The following TMTC1 variants were observed in gnomAD, a reference collection of about 807,000 sequenced individuals.
TMTC1 encodes the protein protein O-mannosyl-transferase TMTC1.
Under a neutral mutation model 104.8 loss-of-function variants are expected in TMTC1, and 73 were observed. That is an observed-to-expected ratio of 0.70 (90% CI 0.58 to 0.85). The LOEUF is 0.85. TMTC1 is among the 40% of genes least tolerant of loss of function. The pLI is 0.00. For missense variants in TMTC1, 1,035 were observed against 1,096.1 expected, an observed-to-expected ratio of 0.94 and a Z score of 0.79; for synonymous variants, 434 against 428.7, an observed-to-expected ratio of 1.01 and a Z score of -0.15.
intron 5 of TMTC1, among the ~76,000 whole-genome samples, chr12:29,662,692 A>C (rs1940090926): frequency 6.8e-6 from 1 of 147,680 alleles, no homozygotes; most frequent in African/African-American, 2.5e-5. Flanking sequence ...AAAAAAGAGG[A>C]TTGCTTACAA....
chr12:29,706,171 A>C (rs1941736751), intron 5 of TMTC1, among the ~76,000 whole-genome samples: 1 of 152,206 alleles, frequency 6.6e-6, no homozygotes, highest in Non-Finnish European at 1.5e-5. Flanking sequence ...AATGGCACAC[A>C]AACAAGGCTA....
intron 6 of TMTC1, among the ~76,000 whole-genome samples, chr12:29,612,097 C>G (rs116103677): frequency 1.3e-5 from 2 of 152,240 alleles, no homozygotes; most frequent in East Asian, 3.9e-4. Context: ...CCACAGTCCA[C>G]GTGGCTTTGG....
At chr12:29,655,972 C>G (rs1312215418) in intron 5 of TMTC1, among the ~76,000 whole-genome samples, 1 of 152,070 alleles carries the variant, frequency 6.6e-6, no homozygotes, top group Non-Finnish European at 1.5e-5. Flanking sequence ...CGCAAAGTTC[C>G]TAAATTCAGT....
chr12:29,752,457 T>C (rs1439413221), intron 4 of TMTC1, among the ~76,000 whole-genome samples: 8 of 152,188 alleles, frequency 5.3e-5, no homozygotes, highest in Non-Finnish European at 1.2e-4. Context: ...TGTCTCGGGA[T>C]GTAATGCAGT....
At position 29,668,454 on chromosome 12, in the gene TMTC1, CTTTTTT is replaced by C. The variant is rs66652706; in HGVS notation, c.939-35124_939-35119del. ...CCACATTCAAACCATACCAACTTAT[CTTTTTT>C]TTTTTTTTTTTTTTTTTTGAGATGG... On this transcript the variant is annotated intron_variant, in intron 5 of 17. Transcript: ENST00000539277. Among the ~76,000 whole-genome samples, 99 of 90,090 alleles carry C rather than the reference CTTTTTT, an allele frequency of 1.1e-3. 2 individuals are homozygous for C. Among genetic ancestry groups the C allele is most frequent in the Middle Eastern group, 6.3e-3 (1 of 158 alleles). 59.1% of individuals were successfully genotyped at this position (90,090 alleles called of 152,430 possible).
At position 29,572,271 on chromosome 12, in the gene TMTC1, A is replaced by C. The variant is rs1353449611; in HGVS notation, c.1419-53T>G. ...TTATTTGACAAAGAATATTATTGTCAGATTCCTTTATGTTTTACTCAGTTT... is the reference window on the plus strand; with the variant it reads ...TTATTTGACAAAGAATATTATTGTCCGATTCCTTTATGTTTTACTCAGTTT... On this transcript the variant is annotated intron_variant, in intron 8 of 17. Transcript: ENST00000539277. The C allele has an allele frequency of 2.9e-6, 4 of 1,394,756 alleles. No homozygotes were observed. The African/African-American group carries it at 5.7e-5, about 20-fold the overall frequency. The allele number at this position is 1,394,756 out of a possible 1,614,324, so 86.4% of individuals were successfully genotyped here.
At chr12:29,613,373 C>T (rs945371076) in intron 6 of TMTC1, among the ~76,000 whole-genome samples, 5 of 152,162 alleles carry the variant, frequency 3.3e-5, no homozygotes, top group Non-Finnish European at 2.9e-5. Flanking sequence ...TGGGCAAAAG[C>T]TCAGCCATGT....
At chr12:29,678,399 C>T (rs1940802938) in intron 5 of TMTC1, among the ~76,000 whole-genome samples, 1 of 152,166 alleles carries the variant, frequency 6.6e-6, no homozygotes, top group African/African-American at 2.4e-5. Flanking sequence ...TGACAGGCAA[C>T]AATTCCAGGT....
intron 5 of TMTC1, among the ~76,000 whole-genome samples, chr12:29,689,258 T>C (rs1941190707): frequency 6.9e-6 from 1 of 143,972 alleles, no homozygotes; most frequent in Admixed American, 6.8e-5. Context: ...CTTAAGCCAC[T>C]GGTTTTTTTT....
chr12:29,626,339 G>A (rs1937992617), intron 6 of TMTC1, among the ~76,000 whole-genome samples: 1 of 152,084 alleles, frequency 6.6e-6, no homozygotes, highest in South Asian at 2.1e-4. Context: ...GATAAAGAAA[G>A]GAGTAGAGAG....
chr12:29,512,032 T>C lies in TMTC1; in HGVS notation c.2508+11A>G. 6.2e-7 allele frequency: 1 copy of C among 1,613,860 alleles called. No homozygotes were observed. Among genetic ancestry groups the C allele is most frequent in the Non-Finnish European group, 8.5e-7 (1 of 1,179,738 alleles). On this transcript the variant is annotated intron_variant, in intron 17 of 17. Transcript: ENST00000539277. The stretch of plus-strand genomic sequence containing the variant: ...AAGCCCGGTCCACATGGGAGTGAAT[T>C]ATTCTCCTACCTTGATGTGTTGGAT...
At chr12:29,743,334 A>T (rs1324965827) in intron 5 of TMTC1, among the ~76,000 whole-genome samples, 1 of 152,122 alleles carries the variant, frequency 6.6e-6, no homozygotes, top group Non-Finnish European at 1.5e-5. Flanking sequence ...CCACCTGTAA[A>T]ATTTGAGGCA....
At chr12:29,780,231 G>A (rs953954499) in intron 1 of TMTC1, among the ~76,000 whole-genome samples, 9 of 152,166 alleles carry the variant, frequency 5.9e-5, no homozygotes, top group African/African-American at 2.2e-4. Flanking sequence ...CCAGCCAAAA[G>A]TTGGAAACAA....
chr12:29,608,657 T>C (rs1317159533), intron 6 of TMTC1, among the ~76,000 whole-genome samples: 1 of 152,156 alleles, frequency 6.6e-6, no homozygotes, highest in Non-Finnish European at 1.5e-5. Context: ...AGGTTTGATT[T>C]TTCTTTTCTG....
intron 3 of TMTC1, among the ~76,000 whole-genome samples, chr12:29,757,448 A>G (rs1943241303): frequency 6.6e-6 from 1 of 152,168 alleles, no homozygotes. Context: ...CTGCAGGTAG[A>G]GGAGGTAGTG....
intron 5 of TMTC1, among the ~76,000 whole-genome samples, chr12:29,671,578 T>C (rs181099018): frequency 6.6e-6 from 1 of 152,284 alleles, no homozygotes; most frequent in African/African-American, 2.4e-5. Context: ...CAACGACAAC[T>C]ACAAAGCAGG....
chr12:29,589,981 C>T (rs1181305750), intron 7 of TMTC1, among the ~76,000 whole-genome samples: 1 of 152,178 alleles, frequency 6.6e-6, no homozygotes, highest in Non-Finnish European at 1.5e-5. Context: ...AAGCTCAGTG[C>T]CCTAATGCTG....
At chr12:29,718,737 T>C (rs1010099201) in intron 5 of TMTC1, among the ~76,000 whole-genome samples, 1 of 151,898 alleles carries the variant, frequency 6.6e-6, no homozygotes, top group Non-Finnish European at 1.5e-5. Flanking sequence ...ATCGAGACCA[T>C]CCTGGCTAAC....
At chr12:29,625,097 A>T (rs1729358145) in intron 6 of TMTC1, among the ~76,000 whole-genome samples, 1 of 152,192 alleles carries the variant, frequency 6.6e-6, no homozygotes, top group Admixed American at 6.5e-5. Context: ...TTCAGTACAC[A>T]ACTCGTTTGG....
Sources: allele counts gnomAD v4.1 joint callset (sites outside exome capture counted in the v4.1 genomes callset), GRCh38; gene constraint gnomAD v4.1.1; transcripts MANE v1.5; gene names NCBI Gene and HGNC (gene_info 2026-07-23, HGNC 2026-07-21).